DMD: variants seen among roughly 807,000 people sequenced by gnomAD.
DMD encodes the protein mutant dystrophin.
Under a neutral mutation model 330.1 loss-of-function variants are expected in DMD, and 63 were observed. The observed-to-expected ratio is 0.19, with a 90% CI of 0.16 to 0.24. The LOEUF is 0.24. Ranked by LOEUF, DMD falls within the 10% of genes least tolerant of loss-of-function variation. The pLI is 1.00. For missense variants in DMD, 3,344 were observed against 2,684.1 expected (o/e 1.25, Z -5.43); for synonymous variants, 1,223 against 959.8 (o/e 1.27, Z -5.07).
intron 1 of DMD, among the ~76,000 whole-genome samples, chrX:33,038,291 T>C (rs1346237514): frequency 8.9e-6 from 1 of 112,102 alleles, no homozygotes; most frequent in Non-Finnish European, 1.9e-5. Context: ...TAATCTCATA[T>C]GCATCATTAT....
chrX:32,165,579 T>A (rs925118016), intron 44 of DMD, among the ~76,000 whole-genome samples: 17 of 112,468 alleles, frequency 1.5e-4, no homozygotes, highest in African/African-American at 5.2e-4. Context: ...TTGTCTCAGA[T>A]GAGACTTTGG....
intron 18 of DMD, among the ~76,000 whole-genome samples, chrX:32,505,999 G>A (rs1367296883): frequency 8.9e-6 from 1 of 112,164 alleles, no homozygotes; most frequent in African/African-American, 3.2e-5. Context: ...AAAACAATCA[G>A]TGGTTTCTAG....
chrX:32,732,279 C>T (rs976007907), intron 7 of DMD, among the ~76,000 whole-genome samples: 54 of 110,986 alleles, frequency 4.9e-4, no homozygotes, highest in African/African-American at 1.2e-3. Context: ...ACCAAATCTA[C>T]GTCTGATTGG....
At chrX:31,574,907 G>T (rs2076022874) in intron 55 of DMD, among the ~76,000 whole-genome samples, 1 of 111,716 alleles carries the variant, frequency 9.0e-6, no homozygotes, top group South Asian at 3.7e-4. Context: ...AAAATGCTAT[G>T]TTCAAATGAC....
chrX:33,269,465 T>G (rs1209138598), intron 1 of DMD, among the ~76,000 whole-genome samples: 1 of 110,925 alleles, frequency 9.0e-6, no homozygotes, highest in African/African-American at 3.3e-5. Flanking sequence ...GGGAAGGAGT[T>G]AAAAGCTACC....
chrX:32,356,020 A>G (rs1194955677), intron 37 of DMD, among the ~76,000 whole-genome samples: 1 of 110,557 alleles, frequency 9.0e-6, no homozygotes, highest in Non-Finnish European at 1.9e-5. Flanking sequence ...ACGATCAGAA[A>G]GAGACTGCAA....
chrX:32,293,304 T>C (rs2097481575), intron 42 of DMD, among the ~76,000 whole-genome samples: 2 of 111,745 alleles, frequency 1.8e-5, no homozygotes, highest in Admixed American at 1.9e-4. Flanking sequence ...GGAAAGGTGT[T>C]TAGGGTGAAA....
At chrX:32,308,993 C>A (rs1327698845) in intron 42 of DMD, among the ~76,000 whole-genome samples, 1 of 110,995 alleles carries the variant, frequency 9.0e-6, no homozygotes, top group Non-Finnish European at 1.9e-5. Context: ...CTTCATTGTA[C>A]CAATAAGTGA....
chrX:32,463,629 A>T, intron 24 of DMD, 35 bp from the exon 25 acceptor site: 1 of 1,074,974 alleles, frequency 9.3e-7, no homozygotes, highest in Non-Finnish European at 1.2e-6. Flanking sequence ...CAGCTGAAAA[A>T]AATTACTGCC....
intron 60 of DMD, among the ~76,000 whole-genome samples, chrX:31,405,082 C>T (rs1033140402): frequency 1.8e-5 from 2 of 111,597 alleles, no homozygotes; most frequent in East Asian, 2.8e-4. Flanking sequence ...GCTTAGAAAT[C>T]CGGAGAGTTC....
At chrX:32,453,023 A>G (rs918623108) in intron 26 of DMD, among the ~76,000 whole-genome samples, 3 of 111,083 alleles carry the variant, frequency 2.7e-5, no homozygotes, top group Non-Finnish European at 5.7e-5. Context: ...CATATTACAT[A>G]CAATTCTTCA....
At chrX:31,563,385 G>A (rs2075304039) in intron 55 of DMD, among the ~76,000 whole-genome samples, 1 of 111,889 alleles carries the variant, frequency 8.9e-6, no homozygotes, top group Admixed American at 9.5e-5. Flanking sequence ...ATCTGCTTCT[G>A]GACTCTCAAT....
At chrX:31,561,454 A>G (rs1161150756) in intron 55 of DMD, among the ~76,000 whole-genome samples, 1 of 111,863 alleles carries the variant, frequency 8.9e-6, no homozygotes, top group East Asian at 2.8e-4. Context: ...CTGTGCCTTA[A>G]GCACCACCCT....
intron 7 of DMD, among the ~76,000 whole-genome samples, chrX:32,732,463 G>C (rs947818581): frequency 9.0e-6 from 1 of 110,629 alleles, no homozygotes; most frequent in East Asian, 2.8e-4. Flanking sequence ...ATAATTGTCA[G>C]ATTCACCAAA....
intron 52 of DMD, among the ~76,000 whole-genome samples, 172 bp from the exon 53 acceptor site, chrX:31,679,758 T>C (rs1442652537): frequency 8.9e-6 from 1 of 112,502 alleles, no homozygotes; most frequent in Non-Finnish European, 1.9e-5. Context: ...TGATGGCAAA[T>C]ATTAGTTTCT....
intron 7 of DMD, among the ~76,000 whole-genome samples, chrX:32,776,613 C>T (rs1014889603): frequency 3.6e-5 from 4 of 110,881 alleles, no homozygotes; most frequent in Admixed American, 2.9e-4. Context: ...TGAGCATTCA[C>T]ACACTATCAC....
intron 44 of DMD, among the ~76,000 whole-genome samples, chrX:32,185,831 G>A (rs774797678): frequency 1.8e-5 from 2 of 110,562 alleles, no homozygotes; most frequent in East Asian, 5.7e-4. Flanking sequence ...CCAAATTTGT[G>A]TTGTTTATCA....
At chrX:32,148,768 T>C (rs1756749693) in intron 44 of DMD, among the ~76,000 whole-genome samples, 1 of 111,621 alleles carries the variant, frequency 9.0e-6, no homozygotes, top group African/African-American at 3.2e-5. Context: ...TGAAATGAAA[T>C]TTATGTATAT....
At chrX:32,479,381 C>G (rs1325978940) in intron 21 of DMD, among the ~76,000 whole-genome samples, 1 of 111,036 alleles carries the variant, frequency 9.0e-6, no homozygotes, top group South Asian at 3.7e-4. Flanking sequence ...CAATTTATTC[C>G]TCCAGTCTAA....
Sources: allele counts gnomAD v4.1 joint callset (sites outside exome capture counted in the v4.1 genomes callset), GRCh38; gene constraint gnomAD v4.1.1; transcripts MANE v1.5; gene names NCBI Gene and HGNC (gene_info 2026-07-23, HGNC 2026-07-21).